The following MMP26 variants were observed in gnomAD, a reference collection of about 807,000 sequenced individuals.
The protein encoded by MMP26 is matrix metalloproteinase-26.
MMP26 carries 33 observed loss-of-function variants against 31.0 expected under a neutral mutation model. That is an observed-to-expected ratio of 1.06 (90% CI 0.81 to 1.42). The LOEUF (loss-of-function observed/expected upper bound fraction) is 1.42. Among genes scored for constraint, MMP26 ranks in the 40% most tolerant of loss-of-function variants. The pLI is 0.00. For synonymous variants in MMP26, 122 were observed against 114.9 expected (o/e 1.06, Z -0.40); for missense variants, 347 against 316.1 (o/e 1.10, Z -0.74).
intron 1 of MMP26, among the ~76,000 whole-genome samples, chr11:4,764,873 A>ATC (rs1237659669): frequency 7.5e-6 from 1 of 133,196 alleles, no homozygotes; most frequent in Non-Finnish European, 1.6e-5. Context: ...GCGAGACTCC[A>ATC]TCACAGACAC....
intron 2 of MMP26, chr11:4,914,731 G>A (rs772650197): frequency 6.2e-7 from 1 of 1,610,222 alleles, no homozygotes; most frequent in Non-Finnish European, 8.5e-7. Context: ...AGTAACAAAA[G>A]GCATGCGTCA....
intron 2 of MMP26, chr11:4,877,671 A>G (rs1850401977): frequency 6.6e-6 from 1 of 152,168 alleles, no homozygotes; most frequent in South Asian, 2.1e-4. Flanking sequence ...TGCTAGTGCA[A>G]GCTGAGGAAC....
At chr11:4,896,650 C>T (rs918264760) in intron 2 of MMP26, among the ~76,000 whole-genome samples, 3 of 152,154 alleles carry the variant, frequency 2.0e-5, no homozygotes, top group African/African-American at 7.2e-5. Flanking sequence ...TTCTTTGCTG[C>T]TGCTTCTTTT....
chr11:4,968,601 A>G (rs557918731), intron 2 of MMP26, among the ~76,000 whole-genome samples: 1 of 152,136 alleles, frequency 6.6e-6, no homozygotes, highest in South Asian at 2.1e-4. Context: ...GTAGCAAACT[A>G]TTCTGATAAG....
chr11:4,745,961 C>T (rs1025325405), intron 1 of MMP26, among the ~76,000 whole-genome samples: 1 of 152,100 alleles, frequency 6.6e-6, no homozygotes, highest in African/African-American at 2.4e-5. Context: ...GAATAATATT[C>T]CCTGGTAGAG....
chr11:4,838,243 AG>A lies in MMP26; in HGVS notation c.-145+70904del, dbSNP rs929460484. 3.0e-3 allele frequency among the ~76,000 whole-genome samples: 419 copies of A among 140,688 alleles called. 7 individuals are homozygous for A. Among genetic ancestry groups the A allele is most frequent in the Non-Finnish European group, 2.8e-4 (18 of 65,266 alleles). 92.3% of individuals were successfully genotyped at this position (140,688 alleles called of 152,430 possible). A position where few individuals can be genotyped will look rare whatever the true frequency, so the allele number is the denominator to read the frequency against. ...TGAGGCAGGAGAATGGCATGAACCCAGGAGGCAGAACTTGCAGTGAGCCGAG... is the reference window on the plus strand; with the variant it reads ...TGAGGCAGGAGAATGGCATGAACCCAGAGGCAGAACTTGCAGTGAGCCGAG... On this transcript the variant is annotated intron_variant, in intron 2 of 7. Transcript: ENST00000380390.
Position 4,860,644 on chromosome 11 carries a change from CA to C in MMP26, c.-145+93304del, listed in dbSNP as rs1850140933. ...AATTGAATATATATTCTCATATGGA[CA>C]GAACAATGGCTTTATGAATGCATAG... is the stretch of plus-strand genomic sequence containing the variant. On this transcript the variant is annotated intron_variant, in intron 2 of 7. Transcript: ENST00000380390. 23 of 372,050 alleles carry C rather than the reference CA, an allele frequency of 6.2e-5. 2 individuals carry two copies. The highest frequency in any genetic ancestry group is 4.7e-4 in the South Asian group (23 of 48,476). 23.0% of individuals were successfully genotyped at this position (372,050 alleles called of 1,614,324 possible).
At chr11:4,823,484 A>C (rs544804523) in intron 2 of MMP26, among the ~76,000 whole-genome samples, 2 of 152,276 alleles carry the variant, frequency 1.3e-5, no homozygotes, top group African/African-American at 4.8e-5. Flanking sequence ...CATCAAAGGT[A>C]GGGCTATTGT....
At chr11:4,961,895 A>T (rs924778690) in intron 2 of MMP26, among the ~76,000 whole-genome samples, 6 of 152,210 alleles carry the variant, frequency 3.9e-5, no homozygotes, top group Admixed American at 2.6e-4. Context: ...AGTTTCAAGG[A>T]TACCTGTCTA....
intron 2 of MMP26, among the ~76,000 whole-genome samples, chr11:4,842,964 T>C (rs1849816381): frequency 6.6e-6 from 1 of 152,144 alleles, no homozygotes; most frequent in Non-Finnish European, 1.5e-5. Context: ...CCCATGCAAG[T>C]CCGAAACCCA....
At chr11:4,962,061 A>G (rs1033539041) in intron 2 of MMP26, among the ~76,000 whole-genome samples, 3 of 151,518 alleles carry the variant, frequency 2.0e-5, no homozygotes, top group East Asian at 1.9e-4. Context: ...TTTTTTGTAT[A>G]TTTATTCCTA....
chr11:4,933,882 G>C (rs1241404127), intron 2 of MMP26, among the ~76,000 whole-genome samples: 2 of 149,566 alleles, frequency 1.3e-5, no homozygotes, highest in African/African-American at 4.9e-5. Flanking sequence ...TTTCATCCAT[G>C]TCCCTACAAA....
rs113253715 is a variant in MMP26 at position 4,789,684 on chromosome 11, G to T, written c.-145+22343G>T. Reference sequence around the variant, plus strand: ...GCCTCTTGAGTAGCTGGGACTACAGGTGCCTGCCACCACACCCAGCTAATT... The same window carrying T: ...GCCTCTTGAGTAGCTGGGACTACAGTTGCCTGCCACCACACCCAGCTAATT... On this transcript the variant is annotated intron_variant, in intron 2 of 7. Transcript: ENST00000380390. Among the ~76,000 whole-genome samples, 668 of 151,468 alleles carry T rather than the reference G, an allele frequency of 4.4e-3. 4 individuals carry two copies. The highest frequency in any genetic ancestry group is 0.015 in the African/African-American group (599 of 41,274).
intron 2 of MMP26, among the ~76,000 whole-genome samples, chr11:4,850,053 A>G (rs1049338778): frequency 7.2e-5 from 11 of 152,074 alleles, no homozygotes; most frequent in African/African-American, 2.7e-4. Flanking sequence ...AACTATAGTC[A>G]CCCTACTTGG....
chr11:4,831,833 G>C (rs1849650227), intron 2 of MMP26, among the ~76,000 whole-genome samples: 1 of 151,912 alleles, frequency 6.6e-6, no homozygotes, highest in Admixed American at 6.6e-5. Flanking sequence ...AAAAAAAGCG[G>C]GTATCAAAGC....
intron 2 of MMP26, among the ~76,000 whole-genome samples, 178 bp from the exon 3 acceptor site, chr11:4,987,890 C>T (rs1229131909): frequency 6.6e-6 from 1 of 152,142 alleles, no homozygotes; most frequent in Non-Finnish European, 1.5e-5. Context: ...CCTCCTGTTT[C>T]TTGTTTTCCC....
intron 1 of MMP26, among the ~76,000 whole-genome samples, chr11:4,720,355 G>T (rs1435448746): frequency 3.3e-5 from 5 of 152,136 alleles, no homozygotes; most frequent in Non-Finnish European, 5.9e-5. Context: ...AGGCCTCAAG[G>T]TTAACAAGAA....
intron 1 of MMP26, chr11:4,723,817 A>G (rs1349381343): frequency 1.3e-6 from 2 of 1,568,180 alleles, no homozygotes; most frequent in East Asian, 2.2e-5. Context: ...CTTGGTCTCC[A>G]GCATCTTGTT....
chr11:4,793,629 C>T (rs1454075052), intron 2 of MMP26: 2 of 152,086 alleles, frequency 1.3e-5, no homozygotes, highest in East Asian at 3.8e-4. Flanking sequence ...GGGTTTACAT[C>T]CTGAGAATTA....
Sources: allele counts gnomAD v4.1 joint callset (sites outside exome capture counted in the v4.1 genomes callset), GRCh38; gene constraint gnomAD v4.1.1; transcripts MANE v1.5; gene names NCBI Gene and HGNC (gene_info 2026-07-23, HGNC 2026-07-21).